Variants in CNOT2 observed in about 807,000 individuals in gnomAD.
The protein encoded by CNOT2 is CCR4-NOT transcription complex subunit 2, also known as CC chemokine receptor 4-negative regulator of transcription 2.
In CNOT2, 7 loss-of-function variants were observed where a neutral mutation model predicts 72.1. The observed-to-expected ratio is 0.10, with a 90% CI of 0.06 to 0.18. The LOEUF is 0.18. Among genes scored for constraint, CNOT2 ranks in the 10% least tolerant of loss-of-function variants. The pLI, the probability that CNOT2 is intolerant of heterozygous loss-of-function variation, is 1.00. For synonymous variants in CNOT2, 196 were observed against 225.6 expected (o/e 0.87, Z 1.17); for missense variants, 345 against 660.3 (o/e 0.52, Z 5.23).
At position 70,296,789 on chromosome 12, in the gene CNOT2, A is replaced by G. The variant is rs560200461; in HGVS notation, c.49-14106A>G. Among the ~76,000 whole-genome samples, 3 of 147,108 alleles carry G rather than the reference A, an allele frequency of 2.0e-5. No individual in the cohort carries two copies. The Admixed American group carries it at 2.1e-4, about 10-fold the overall frequency. ...CCCCTTTTTAAATTGTTTTTCAAGA[A>G]TTAAATAAAATTAGAATTATTTATA... On this transcript the variant is annotated intron_variant, in intron 2 of 15. Transcript: ENST00000229195.
chr12:70,267,936 G>A (rs1227280031), intron 1 of CNOT2, among the ~76,000 whole-genome samples: 1 of 152,220 alleles, frequency 6.6e-6, no homozygotes, highest in East Asian at 1.9e-4. Flanking sequence ...TTACAATGGA[G>A]ACTGTTAGGC....
At chr12:70,320,591 A>G (rs1355392520) in intron 4 of CNOT2, among the ~76,000 whole-genome samples, 1 of 151,724 alleles carries the variant, frequency 6.6e-6, no homozygotes, top group Non-Finnish European at 1.5e-5. Flanking sequence ...TTGTTGAAGG[A>G]CTATTATTAG....
intron 15 of CNOT2, among the ~76,000 whole-genome samples, chr12:70,352,152 T>C (rs1172705503): frequency 6.6e-6 from 1 of 152,146 alleles, no homozygotes; most frequent in African/African-American, 2.4e-5. Context: ...GGACTAAAAA[T>C]ATTAAAAATA....
intron 7 of CNOT2, among the ~76,000 whole-genome samples, chr12:70,333,050 G>A (rs3817485): frequency 0.046 from 6,861 of 150,700 alleles, 643 homozygotes; most frequent in East Asian, 0.43. Flanking sequence ...GCATGGTAAC[G>A]TAGTAATTTG....
intron 4 of CNOT2, chr12:70,324,241 A>C (rs1878726274): frequency 6.6e-6 from 1 of 151,896 alleles, no homozygotes; most frequent in African/African-American, 2.4e-5. Context: ...GATAGAATGT[A>C]TTCATTCTAA....
At chr12:70,305,137 G>A (rs939154991) in intron 2 of CNOT2, among the ~76,000 whole-genome samples, 3 of 152,192 alleles carry the variant, frequency 2.0e-5, no homozygotes, top group South Asian at 2.1e-4. Flanking sequence ...GCGATGCCCC[G>A]CCCTGTTTCG....
At chr12:70,350,462 A>T (rs1399320906) in intron 15 of CNOT2, among the ~76,000 whole-genome samples, 1 of 152,216 alleles carries the variant, frequency 6.6e-6, no homozygotes, top group Non-Finnish European at 1.5e-5. Context: ...ACTTCCTAAA[A>T]TTTAAGTTAA....
chr12:70,337,103 A>G (rs1022479112), intron 8 of CNOT2: 1 of 202,602 alleles, frequency 4.9e-6, no homozygotes, highest in African/African-American at 2.3e-5. Flanking sequence ...TTAAACCAAA[A>G]TTGTTAATAA....
At chr12:70,294,005 C>G in intron 2 of CNOT2, 1 of 632,264 alleles carries the variant, frequency 1.6e-6, no homozygotes, top group South Asian at 1.5e-5. Context: ...AAGAGGTGAA[C>G]AGGGAGTCAT....
chr12:70,273,249 A>G (rs1868310913), intron 1 of CNOT2, among the ~76,000 whole-genome samples: 1 of 152,160 alleles, frequency 6.6e-6, no homozygotes, highest in Non-Finnish European at 1.5e-5. Context: ...TATTTCACCA[A>G]AGCTATCTAC....
At chr12:70,284,743 T>C (rs1413709402) in intron 2 of CNOT2, among the ~76,000 whole-genome samples, 3 of 152,198 alleles carry the variant, frequency 2.0e-5, no homozygotes, top group Admixed American at 2.0e-4. Flanking sequence ...TACGTTCTGA[T>C]ACTTTTTTTA....
chr12:70,338,183 C>A, intron 9 of CNOT2: 1 of 280,298 alleles, frequency 3.6e-6, no homozygotes. Flanking sequence ...TTTTTTTTTT[C>A]TGTGACTGAA....
chr12:70,311,953 A>G (rs1005650575), intron 3 of CNOT2, among the ~76,000 whole-genome samples: 4 of 151,908 alleles, frequency 2.6e-5, no homozygotes, highest in African/African-American at 7.2e-5. Context: ...ACTTTGCAGA[A>G]TTTTGCAAAT....
chr12:70,335,249 T>C (rs191402628), intron 7 of CNOT2, 189 bp from the exon 8 acceptor site: 13 of 464,586 alleles, frequency 2.8e-5, no homozygotes, highest in African/African-American at 2.0e-4. Flanking sequence ...TTTGCTAAAT[T>C]GTTCATGGAA....
At chr12:70,299,888 G>A (rs1873581754) in intron 2 of CNOT2, among the ~76,000 whole-genome samples, 1 of 152,148 alleles carries the variant, frequency 6.6e-6, no homozygotes, top group South Asian at 2.1e-4. Flanking sequence ...AGCACCTGTT[G>A]TTTCCTGACT....
At position 70,332,986 on chromosome 12, in the gene CNOT2, G is replaced by A. The variant is rs555735483; in HGVS notation, c.649+140G>A. The stretch of plus-strand genomic sequence containing the variant: ...TAGATTTTAATTCAGTGAAAAATAG[G>A]AATAGGATTCAATACAGTGAATAGT... On this transcript the variant is annotated intron_variant, in intron 7 of 15. Transcript: ENST00000229195. The A allele has an allele frequency of 6.2e-6, 8 of 1,289,284 alleles. 1 individual carries two copies. The Admixed American group carries it at 2.5e-4, about 41-fold the overall frequency. The allele number at this position is 1,289,284 out of a possible 1,614,324, so 79.9% of individuals were successfully genotyped here. A position where few individuals can be genotyped will look rare whatever the true frequency, so the allele number is the denominator to read the frequency against.
In CNOT2 at chr12:70,346,068, A is replaced by G. The variant is rs1882128510; in HGVS notation, c.1392-112A>G. The G allele has an allele frequency of 7.7e-6, 5 of 650,948 alleles. No homozygotes were observed. In the East Asian group the frequency reaches 1.4e-4, roughly 18 times the overall value. 40.3% of individuals were successfully genotyped at this position (650,948 alleles called of 1,614,324 possible). A position where few individuals can be genotyped will look rare whatever the true frequency, so the allele number is the denominator to read the frequency against. On this transcript the variant is annotated intron_variant, in intron 14 of 15. Coordinates refer to ENST00000229195, the MANE Select transcript of CNOT2 (RefSeq NM_014515.7). Reference sequence around the variant, plus strand: ...AAATGAGTAGGAAGCATTCATATTTATTTATTTTATGTGTAATTTTTTTTT... The same window carrying G: ...AAATGAGTAGGAAGCATTCATATTTGTTTATTTTATGTGTAATTTTTTTTT...
intron 2 of CNOT2, among the ~76,000 whole-genome samples, chr12:70,295,835 G>T (rs928636051): frequency 6.6e-6 from 1 of 152,032 alleles, no homozygotes; most frequent in Non-Finnish European, 1.5e-5. Flanking sequence ...TATATTAATT[G>T]TTCAAATGTG....
At chr12:70,302,288 GTTC>G (rs1874172014) in intron 2 of CNOT2, among the ~76,000 whole-genome samples, 1 of 151,518 alleles carries the variant, frequency 6.6e-6, no homozygotes, top group Non-Finnish European at 1.5e-5. Context: ...TGCTTCTCTA[GTTC>G]TTTTAATTGT....
Sources: allele counts gnomAD v4.1 joint callset (sites outside exome capture counted in the v4.1 genomes callset), GRCh38; gene constraint gnomAD v4.1.1; transcripts MANE v1.5; gene names NCBI Gene and HGNC (gene_info 2026-07-23, HGNC 2026-07-21).